The following SEM1 variants were observed in gnomAD, a reference collection of about 807,000 sequenced individuals.
SEM1 encodes SEM1 26S proteasome subunit, also known as 26S proteasome complex subunit SEM1.
In SEM1, 3 loss-of-function variants were observed where a neutral mutation model predicts 12.7. The ratio of observed to expected loss-of-function variants is 0.24; its 90% CI spans 0.11 to 0.61. The LOEUF (loss-of-function observed/expected upper bound fraction) is 0.61. Ranked by LOEUF, SEM1 falls within the 20% of genes least tolerant of loss-of-function variation. SEM1 has a pLI of 0.88. For missense variants in SEM1, 59 were observed against 81.3 expected (o/e 0.73, Z 1.06); for synonymous variants, 30 against 27.8 (o/e 1.08, Z -0.25).
chr7:96,558,615 GGA>G (rs1805602619), intron 2 of SEM1, among the ~76,000 whole-genome samples: 1 of 152,194 alleles, frequency 6.6e-6, no homozygotes, highest in Non-Finnish European at 1.5e-5. Context: ...AAAGAAGCAA[GGA>G]GAGAGGGAGT....
chr7:96,595,737 G>A (rs1400412510), intron 2 of SEM1, among the ~76,000 whole-genome samples: 1 of 151,822 alleles, frequency 6.6e-6, no homozygotes, highest in Admixed American at 6.6e-5. Context: ...ATTCATTTCT[G>A]TGCTTAATTT....
chr7:96,628,914 A>G (rs1808159116), intron 2 of SEM1, among the ~76,000 whole-genome samples: 1 of 152,188 alleles, frequency 6.6e-6, no homozygotes, highest in Non-Finnish European at 1.5e-5. Flanking sequence ...CACCAGATAC[A>G]CTAATCTAGG....
chr7:96,494,846 A>C (rs112403881), intron 1 of SEM1, among the ~76,000 whole-genome samples: 3,954 of 137,042 alleles, frequency 0.029, 35 homozygotes, highest in Middle Eastern at 0.094. Context: ...AGTTCAGATA[A>C]GTGAGAGCTA....
upstream of SEM1, among the ~76,000 whole-genome samples, chr7:96,496,932 G>A (rs1803297233): frequency 6.6e-6 from 1 of 151,830 alleles, no homozygotes; most frequent in Non-Finnish European, 1.5e-5. Context: ...GCAAGAAATT[G>A]AGCTTAATTC....
intron 2 of SEM1, among the ~76,000 whole-genome samples, chr7:96,568,719 T>G (rs1239501105): frequency 2.6e-5 from 4 of 151,858 alleles, no homozygotes; most frequent in Non-Finnish European, 4.4e-5. Context: ...TTCATTTAGC[T>G]CCTAACATTT....
chr7:96,532,502 A>G (rs1382411368), intron 2 of SEM1, among the ~76,000 whole-genome samples: 3 of 152,128 alleles, frequency 2.0e-5, no homozygotes, highest in African/African-American at 4.8e-5. Context: ...GCCCTCAGAT[A>G]TAATATTTCT....
chr7:96,667,519 A>T lies in SEM1; in HGVS notation c.170+27279T>A, dbSNP rs558240819. Among the ~76,000 whole-genome samples, 6 of 152,268 alleles carry T rather than the reference A, an allele frequency of 3.9e-5. No individual in the cohort carries two copies. In the East Asian group the frequency reaches 1.2e-3, roughly 29 times the overall value. On this transcript the variant is annotated intron_variant, in intron 2 of 2. Coordinates refer to the SEM1 transcript ENST00000417009. ...CTGTGCAGTAACAAAGCTATTGTCA[A>T]CTTTTTCCTTCAAAGCATAATCCCC...
At chr7:96,642,147 T>TA (rs1278117547) in intron 2 of SEM1, among the ~76,000 whole-genome samples, 4 of 152,082 alleles carry the variant, frequency 2.6e-5, no homozygotes, top group African/African-American at 9.7e-5. Flanking sequence ...TACCATATGG[T>TA]ACAGCACACA....
chr7:96,585,838 C>T (rs144389108), intron 2 of SEM1, among the ~76,000 whole-genome samples: 3,011 of 152,182 alleles, frequency 0.02, 90 homozygotes, highest in African/African-American at 0.068. Flanking sequence ...GCACACGGTG[C>T]GCGCACCCAC....
intron 2 of SEM1, among the ~76,000 whole-genome samples, chr7:96,511,563 G>A (rs1415525516): frequency 6.6e-6 from 1 of 152,050 alleles, no homozygotes; most frequent in Non-Finnish European, 1.5e-5. Context: ...CAAATTGGAA[G>A]AGGAAATATG....
chr7:96,588,106 G>A (rs1262310480), intron 2 of SEM1, among the ~76,000 whole-genome samples: 7 of 152,132 alleles, frequency 4.6e-5, no homozygotes, highest in Admixed American at 4.6e-4. Flanking sequence ...AGATGGCTCA[G>A]GCCTATAATC....
At chr7:96,548,400 A>T (rs116559441) in intron 2 of SEM1, among the ~76,000 whole-genome samples, 3,003 of 152,246 alleles carry the variant, frequency 0.02, 85 homozygotes, top group African/African-American at 0.068. Flanking sequence ...ACTTGGAGTA[A>T]CACATCATCT....
chr7:96,574,914 C>G (rs1412050738), intron 2 of SEM1, among the ~76,000 whole-genome samples: 1 of 152,132 alleles, frequency 6.6e-6, no homozygotes, highest in East Asian at 1.9e-4. Context: ...GAACGTGCTT[C>G]TTTAGCTTGG....
At chr7:96,522,273 T>C (rs1804301204) in intron 2 of SEM1, among the ~76,000 whole-genome samples, 1 of 152,142 alleles carries the variant, frequency 6.6e-6, no homozygotes, top group South Asian at 2.1e-4. Flanking sequence ...CGGGCATATA[T>C]AGCCCTGACC....
chr7:96,679,222 G>T (rs1354589489), intron 2 of SEM1, among the ~76,000 whole-genome samples: 2 of 151,876 alleles, frequency 1.3e-5, no homozygotes, highest in African/African-American at 4.8e-5. Context: ...TCATTGTAGT[G>T]GCCTTATTAG....
intron 1 of SEM1, among the ~76,000 whole-genome samples, chr7:96,704,998 A>T (rs1205114913): frequency 1.3e-5 from 2 of 152,206 alleles, no homozygotes; most frequent in Non-Finnish European, 2.9e-5. Context: ...CTGTCAAGTC[A>T]GTGTGACATC....
At chr7:96,560,147 A>T (rs968359577) in intron 2 of SEM1, among the ~76,000 whole-genome samples, 1 of 152,070 alleles carries the variant, frequency 6.6e-6, no homozygotes, top group Non-Finnish European at 1.5e-5. Context: ...GAGCATCTTT[A>T]TTTTTTTCAA....
At chr7:96,488,826 G>A (rs532086798) in intron 1 of SEM1, among the ~76,000 whole-genome samples, 1 of 152,108 alleles carries the variant, frequency 6.6e-6, no homozygotes, top group East Asian at 1.9e-4. Context: ...GAAGTGTATT[G>A]GCCTGTTTTG....
At chr7:96,683,531 T>C (rs1200245642) in intron 2 of SEM1, among the ~76,000 whole-genome samples, 1 of 152,212 alleles carries the variant, frequency 6.6e-6, no homozygotes, top group East Asian at 1.9e-4. Flanking sequence ...ATCCCATTAC[T>C]GGGTATATAC....
Sources: allele counts gnomAD v4.1 joint callset (sites outside exome capture counted in the v4.1 genomes callset), GRCh38; gene constraint gnomAD v4.1.1; transcripts MANE v1.5; gene names NCBI Gene and HGNC (gene_info 2026-07-23, HGNC 2026-07-21).